INPP4A: variants seen among roughly 807,000 people sequenced by gnomAD.
INPP4A encodes the protein inositol polyphosphate-4-phosphatase, type I, 107kD.
INPP4A carries 33 observed loss-of-function variants against 119.8 expected under a neutral mutation model. The observed-to-expected ratio is 0.28, with a 90% confidence interval of 0.21 to 0.37. The LOEUF (loss-of-function observed/expected upper bound fraction) is 0.37. Among genes scored for constraint, INPP4A ranks in the 10% least tolerant of loss-of-function variants. The probability of loss-of-function intolerance (pLI) is 1.00; values close to 1 mark genes in which losing one functional copy is unlikely to be tolerated. For synonymous variants in INPP4A, 496 were observed against 500.7 expected (o/e 0.99, Z 0.12); for missense variants, 956 against 1,289.9 (o/e 0.74, Z 3.97).
chr2:98,575,259 A>C (rs1473877894), intron 23 of INPP4A, among the ~76,000 whole-genome samples: 1 of 152,242 alleles, frequency 6.6e-6, no homozygotes, highest in Non-Finnish European at 1.5e-5. Context: ...GAAGCCTGGC[A>C]CTGCAGTGCC....
chr2:98,475,819 G>A (rs919837714), intron 1 of INPP4A, among the ~76,000 whole-genome samples: 3 of 152,160 alleles, frequency 2.0e-5, no homozygotes, highest in Admixed American at 6.5e-5. Flanking sequence ...CCTCTGGGGC[G>A]GGGGGAGCCT....
At chr2:98,523,454 G>T (rs1277455599) in intron 4 of INPP4A, among the ~76,000 whole-genome samples, 1 of 151,576 alleles carries the variant, frequency 6.6e-6, no homozygotes, top group Non-Finnish European at 1.5e-5. Context: ...GAGTGCAGTG[G>T]CACAATCTCG....
intron 19 of INPP4A, 93 bp from the exon 20 acceptor site, chr2:98,565,547 C>A: frequency 1.4e-6 from 2 of 1,413,992 alleles, no homozygotes; most frequent in South Asian, 1.5e-5. Flanking sequence ...CCCCTCCTGT[C>A]ACAGCCAGGC....
chr2:98,477,781 C>T (rs1298392275), intron 1 of INPP4A, among the ~76,000 whole-genome samples: 1 of 152,222 alleles, frequency 6.6e-6, no homozygotes. Context: ...GGGTCTTGCC[C>T]AGGAGACAGC....
intron 14 of INPP4A, among the ~76,000 whole-genome samples, chr2:98,553,294 C>CT (rs1177373253): frequency 4.6e-4 from 67 of 146,280 alleles, no homozygotes; most frequent in African/African-American, 8.0e-4. Context: ...CTAACTAGCA[C>CT]TTTTTTTTTT....
intron 13 of INPP4A, among the ~76,000 whole-genome samples, chr2:98,550,221 C>G (rs889093209): frequency 6.6e-6 from 1 of 152,072 alleles, no homozygotes; most frequent in African/African-American, 2.4e-5. Context: ...TCCCCATATA[C>G]AAGACTGTCC....
At chr2:98,543,446 T>C (rs1469343909) in intron 10 of INPP4A, among the ~76,000 whole-genome samples, 1 of 152,180 alleles carries the variant, frequency 6.6e-6, no homozygotes, top group Non-Finnish European at 1.5e-5. Flanking sequence ...AGGTGGCTCA[T>C]TGCGATTACT....
At chr2:98,584,351 G>A (rs955365445) in intron 24 of INPP4A, among the ~76,000 whole-genome samples, 11 of 152,180 alleles carry the variant, frequency 7.2e-5, no homozygotes, top group African/African-American at 4.8e-5. Context: ...GGTGACTTAC[G>A]TGCACTCCCA....
intron 1 of INPP4A, among the ~76,000 whole-genome samples, chr2:98,453,812 A>G (rs1003813083): frequency 6.6e-5 from 10 of 152,160 alleles, no homozygotes; most frequent in African/African-American, 2.4e-4. Flanking sequence ...ATCTGAGCCA[A>G]ATCCTCCTGA....
chr2:98,529,628 C>T (rs1025888265), intron 4 of INPP4A, among the ~76,000 whole-genome samples: 4 of 151,996 alleles, frequency 2.6e-5, no homozygotes, highest in East Asian at 3.9e-4. Context: ...CCCAGCTACT[C>T]GGGAGGCTGA....
intron 13 of INPP4A, chr2:98,548,860 G>A: frequency 1.7e-6 from 2 of 1,163,250 alleles, no homozygotes; most frequent in South Asian, 2.7e-5. Context: ...TAAGTATTTT[G>A]ACAAAAAATA....
At chr2:98,565,540 C>T (rs1452899666) in intron 19 of INPP4A, 100 bp from the exon 20 acceptor site, 1 of 1,356,086 alleles carries the variant, frequency 7.4e-7, no homozygotes, top group Middle Eastern at 2.5e-4. Context: ...ACCTGCACCC[C>T]TCCTGTCACA....
At chr2:98,509,456 G>A (rs545441110) in intron 1 of INPP4A, among the ~76,000 whole-genome samples, 20 of 152,304 alleles carry the variant, frequency 1.3e-4, no homozygotes, top group African/African-American at 2.6e-4. Flanking sequence ...GTTTCGTCGC[G>A]AAACCACTCC....
Position 98,492,878 on chromosome 2 carries a change from A to T in INPP4A, c.-165-26086A>T, listed in dbSNP as rs1219850187. 4.6e-5 allele frequency among the ~76,000 whole-genome samples: 7 copies of T among 152,306 alleles called. 1 individual carries two copies. In the East Asian group the frequency reaches 1.3e-3, roughly 29 times the overall value. ...GCTATTGAGAATTCCCATTTAATAG[A>T]TAAGGAGCCTGGGGCTGGAGGGGTC... On this transcript the variant is annotated intron_variant, in intron 1 of 24. Coordinates refer to ENST00000409851, the MANE Select transcript of INPP4A (RefSeq NM_001134225.2).
At chr2:98,519,460 C>G (rs1686770031) in intron 2 of INPP4A, 1 of 152,566 alleles carries the variant, frequency 6.6e-6, no homozygotes, top group South Asian at 2.1e-4. Context: ...TTATGCAGCT[C>G]TGGGAAGAAA....
At chr2:98,547,269 T>C (rs1166289012) in intron 13 of INPP4A, among the ~76,000 whole-genome samples, 1 of 152,200 alleles carries the variant, frequency 6.6e-6, no homozygotes, top group East Asian at 1.9e-4. Flanking sequence ...CAGCCTGCTC[T>C]GTGACCAGAG....
intron 1 of INPP4A, among the ~76,000 whole-genome samples, chr2:98,454,345 G>A (rs2104508611): frequency 6.6e-6 from 1 of 152,302 alleles, no homozygotes; most frequent in East Asian, 1.9e-4. Flanking sequence ...AGTCTGGTTT[G>A]TATCACAAAG....
chr2:98,454,891 A>G (rs1167487933), intron 1 of INPP4A, among the ~76,000 whole-genome samples: 1 of 152,182 alleles, frequency 6.6e-6, no homozygotes, highest in Non-Finnish European at 1.5e-5. Flanking sequence ...TATGAGCTGA[A>G]ATGTTGAGTA....
At chr2:98,493,282 C>T (rs1279774926) in intron 1 of INPP4A, among the ~76,000 whole-genome samples, 14 of 152,044 alleles carry the variant, frequency 9.2e-5, no homozygotes, top group Admixed American at 9.2e-4. Context: ...GGAGCTACTT[C>T]GAGGGAGATG....
Sources: allele counts gnomAD v4.1 joint callset (sites outside exome capture counted in the v4.1 genomes callset), GRCh38; gene constraint gnomAD v4.1.1; transcripts MANE v1.5; gene names NCBI Gene and HGNC (gene_info 2026-07-23, HGNC 2026-07-21).